The following DMD variants were observed in gnomAD, a reference collection of about 807,000 sequenced individuals.
DMD encodes the protein dystrophin.
A neutral mutation model predicts 330.1 loss-of-function variants in DMD; 63 were observed. The observed-to-expected ratio is 0.19, with a 90% CI of 0.16 to 0.24. DMD has a LOEUF of 0.24. DMD is among the 10% of genes least tolerant of loss of function. The pLI is 1.00. For synonymous variants in DMD, 1,223 were observed against 959.8 expected (o/e 1.27, Z -5.07); for missense variants, 3,344 against 2,684.1 (o/e 1.25, Z -5.43).
At chrX:32,616,492 C>A (rs994556326) in intron 11 of DMD, among the ~76,000 whole-genome samples, 12 of 110,419 alleles carry the variant, frequency 1.1e-4, no homozygotes, top group Non-Finnish European at 1.7e-4. Context: ...GATTTTTGCT[C>A]AAATAGTTCC....
At chrX:32,911,495 A>T (rs1026894914) in intron 2 of DMD, among the ~76,000 whole-genome samples, 1 of 112,363 alleles carries the variant, frequency 8.9e-6, no homozygotes, top group East Asian at 2.8e-4. Context: ...CTTACACTAA[A>T]TCAAAGTACA....
intron 17 of DMD, among the ~76,000 whole-genome samples, chrX:32,523,991 G>T (rs2046697323): frequency 9.7e-6 from 1 of 102,757 alleles, no homozygotes; most frequent in South Asian, 4.7e-4. Flanking sequence ...GGAGTGCAGT[G>T]GCGCGATCTC....
rs2097990454 is a variant in DMD, at chrX:32,390,073, G to A, written c.4342C>T (p.Gln1448Ter). 8.3e-7 allele frequency: 1 copy of A among 1,199,512 alleles called. No individual in the cohort carries two copies. Among genetic ancestry groups the A allele is most frequent in the Non-Finnish European group, 1.1e-6 (1 of 884,743 alleles). Residue 1448 changes from glutamine (Q) to a stop codon, truncating the protein, a stop_gained and splice_region_variant, in exon 31 of 79, where the codon CAG (glutamine) becomes TAG (stop). Coordinates refer to ENST00000357033, the MANE Select transcript of DMD (RefSeq NM_004006.3). LOFTEE classifies it high-confidence loss of function. Reference protein sequence around the residue: ...QRVLSQIDVAQKKLQDVSMKF... With the variant: ...QRVLSQIDVA The stretch of plus-strand genomic sequence containing the variant: ...TTAGTTTCTGAAATAACATATACCT[G>A]TGCAACATCAATCTGAGACAGGACT...
At chrX:33,275,758 C>T (rs996289981) in intron 1 of DMD, among the ~76,000 whole-genome samples, 1 of 111,680 alleles carries the variant, frequency 9.0e-6, no homozygotes, top group Non-Finnish European at 1.9e-5. Context: ...TGGAATTGAG[C>T]AAAAGAGACT....
At chrX:32,117,637 T>G (rs773775477) in intron 44 of DMD, among the ~76,000 whole-genome samples, 1 of 112,420 alleles carries the variant, frequency 8.9e-6, no homozygotes, top group South Asian at 3.7e-4. Flanking sequence ...GGTTCATGAA[T>G]GCATATGGGA....
At chrX:32,449,669 T>C (rs2098322045) in intron 26 of DMD, among the ~76,000 whole-genome samples, 1 of 108,946 alleles carries the variant, frequency 9.2e-6, no homozygotes, top group Non-Finnish European at 1.9e-5. Flanking sequence ...ACCCAACTTG[T>C]TCAGCTACAA....
intron 44 of DMD, among the ~76,000 whole-genome samples, chrX:32,043,065 C>T (rs1386706062): frequency 9.0e-6 from 1 of 111,653 alleles, no homozygotes; most frequent in Admixed American, 9.5e-5. Context: ...ATAACCCATT[C>T]TCCATGATGT....
intron 63 of DMD, among the ~76,000 whole-genome samples, chrX:31,240,652 A>G (rs1199198296): frequency 8.9e-6 from 1 of 111,878 alleles, no homozygotes; most frequent in Admixed American, 9.5e-5. Context: ...GTAAAATAAT[A>G]GTAATAATGG....
At chrX:33,011,129 A>C (rs947143293) in intron 2 of DMD, among the ~76,000 whole-genome samples, 4 of 111,548 alleles carry the variant, frequency 3.6e-5, no homozygotes, top group African/African-American at 1.3e-4. Context: ...TTCAGACCAA[A>C]TTTTGCATGA....
At chrX:33,041,260 T>TA in intron 1 of DMD, 1 of 567,951 alleles carries the variant, frequency 1.8e-6, no homozygotes, top group Admixed American at 3.4e-5. Flanking sequence ...TGATTTATTA[T>TA]AAAAACTCCT....
Position 32,279,175 on chromosome X carries a change from G to C in DMD, c.6290+8354C>G, listed in dbSNP as rs149146306. Among the ~76,000 whole-genome samples, 790 of 111,605 alleles carry C rather than the reference G, an allele frequency of 7.1e-3. 13 individuals carry two copies. The highest frequency in any genetic ancestry group is 0.024 in the African/African-American group (751 of 30,720). On this transcript the variant is annotated intron_variant, in intron 43 of 78. Transcript: ENST00000357033. ...GACAGGCAATTACAAATGCTGGAGA[G>C]AGTGTGAAGAAAAGGGGACTCCTGT...
chrX:32,859,941 A>C (rs986593814), intron 2 of DMD, among the ~76,000 whole-genome samples: 1 of 111,696 alleles, frequency 9.0e-6, no homozygotes, highest in Non-Finnish European at 1.9e-5. Flanking sequence ...TCTTCAGTTC[A>C]TTTTATGACT....
At chrX:33,130,064 T>C (rs1041846823) in intron 1 of DMD, among the ~76,000 whole-genome samples, 1 of 111,964 alleles carries the variant, frequency 8.9e-6, no homozygotes, top group Non-Finnish European at 1.9e-5. Context: ...AAATATTTAG[T>C]TGGGCCAAAG....
intron 60 of DMD, among the ~76,000 whole-genome samples, chrX:31,386,522 T>C (rs570460056): frequency 8.9e-6 from 1 of 112,214 alleles, no homozygotes; most frequent in South Asian, 3.8e-4. Flanking sequence ...ATAGCACTTT[T>C]AATGCCTTAC....
chrX:31,906,894 A>T (rs1030685237), intron 47 of DMD, among the ~76,000 whole-genome samples: 1 of 112,323 alleles, frequency 8.9e-6, no homozygotes, highest in African/African-American at 3.2e-5. Context: ...ACCTACTAAA[A>T]TAGGACATTT....
chrX:33,337,298 T>TA (rs1318195178), intron 1 of DMD, among the ~76,000 whole-genome samples: 1 of 111,362 alleles, frequency 9.0e-6, no homozygotes, highest in Admixed American at 9.5e-5. Context: ...AAAACGGTTA[T>TA]AAAAAGTTGA....
rs183047618 is a variant in DMD, at chrX:32,251,149, C to T, written c.6291-34086G>A. 5.8e-3 allele frequency among the ~76,000 whole-genome samples: 634 copies of T among 109,777 alleles called. 4 individuals are homozygous for T. The highest frequency in any genetic ancestry group is 0.02 in the African/African-American group (607 of 30,047). On this transcript the variant is annotated intron_variant, in intron 43 of 78. Transcript: ENST00000357033. ...GCACGTGTATACCTATGTAACAAAC[C>T]TGCACGTTCTGCACCTGTATCCCAG...
intron 1 of DMD, among the ~76,000 whole-genome samples, chrX:33,177,667 T>C (rs1343122370): frequency 8.9e-6 from 1 of 112,091 alleles, no homozygotes; most frequent in African/African-American, 3.2e-5. Context: ...ATTACAGGCG[T>C]GAGCCACCGC....
In DMD at chrX:32,468,726, T is replaced by C. The variant is rs1351914564; in HGVS notation, c.2950-16A>G. The C allele has an allele frequency of 1.7e-6, 2 of 1,148,935 alleles. No homozygotes were observed. Among genetic ancestry groups the C allele is most frequent in the African/African-American group, 3.6e-5 (2 of 55,955 alleles). 94.7% of individuals were successfully genotyped at this position (1,148,935 alleles called of 1,213,427 possible). On this transcript the variant is annotated splice_polypyrimidine_tract_variant and intron_variant, in intron 22 of 78. Transcript: ENST00000357033. ...TTTGTAAAGCCTAAAAAACAATTTT[T>C]TAAATACATTTACCCTAATTGATGA...
Sources: allele counts gnomAD v4.1 joint callset (sites outside exome capture counted in the v4.1 genomes callset), GRCh38; gene constraint gnomAD v4.1.1; transcripts MANE v1.5; gene names NCBI Gene and HGNC (gene_info 2026-07-23, HGNC 2026-07-21).